CCDC171: variants seen among roughly 807,000 people sequenced by gnomAD.
The protein encoded by CCDC171 is coiled-coil domain containing 171, also known as coiled-coil domain-containing protein 171.
CCDC171 carries 177 observed loss-of-function variants against 168.2 expected under a neutral mutation model. The ratio of observed to expected loss-of-function variants is 1.05; its 90% CI spans 0.93 to 1.19. The LOEUF is 1.19. Among genes scored for constraint, CCDC171 ranks in the 50% most tolerant of loss-of-function variants. The pLI is 0.00. For missense variants in CCDC171, 1,991 were observed against 1,539.0 expected (o/e 1.29, Z -4.91); for synonymous variants, 687 against 540.8 (o/e 1.27, Z -3.75).
At chr9:15,945,755 A>G (rs2132365419) in intron 25 of CCDC171, among the ~76,000 whole-genome samples, 1 of 151,492 alleles carries the variant, frequency 6.6e-6, no homozygotes, top group Middle Eastern at 3.4e-3. Context: ...AATTTGTTTG[A>G]GTTCATTGTA....
intron 24 of CCDC171, among the ~76,000 whole-genome samples, chr9:15,908,577 G>T (rs1327525666): frequency 6.6e-6 from 1 of 152,108 alleles, no homozygotes; most frequent in Non-Finnish European, 1.5e-5. Context: ...ACTGGGTGCA[G>T]CACACCTACA....
intron 25 of CCDC171, among the ~76,000 whole-genome samples, chr9:15,970,145 A>G (rs1325129385): frequency 6.6e-6 from 1 of 152,186 alleles, no homozygotes; most frequent in Non-Finnish European, 1.5e-5. Flanking sequence ...AAAAGAACAA[A>G]GATCAAAGAA....
intron 21 of CCDC171, among the ~76,000 whole-genome samples, chr9:15,806,361 G>T (rs2059077392): frequency 6.6e-6 from 1 of 152,116 alleles, no homozygotes; most frequent in East Asian, 1.9e-4. Context: ...TGTTTTTGTA[G>T]TTGCTGGTAA....
At chr9:15,986,247 C>A (rs150672150) in intron 3 of CCDC171, among the ~76,000 whole-genome samples, 1 of 152,164 alleles carries the variant, frequency 6.6e-6, no homozygotes, top group Non-Finnish European at 1.5e-5. Flanking sequence ...ATATGTATTA[C>A]GTTGATTAAA....
intron 11 of CCDC171, among the ~76,000 whole-genome samples, chr9:15,702,664 C>T (rs2051852154): frequency 6.6e-6 from 1 of 152,132 alleles, no homozygotes; most frequent in Non-Finnish European, 1.5e-5. Context: ...ACTGTTTAGT[C>T]TTCACTGAAA....
At chr9:15,927,110 A>C (rs1257163779) in intron 25 of CCDC171, among the ~76,000 whole-genome samples, 1 of 151,710 alleles carries the variant, frequency 6.6e-6, no homozygotes, top group South Asian at 2.1e-4. Context: ...AGACATAATT[A>C]TCTTTAAAAA....
intron 3 of CCDC171, among the ~76,000 whole-genome samples, chr9:15,983,619 G>A (rs1363715791): frequency 6.6e-6 from 1 of 151,764 alleles, no homozygotes; most frequent in Non-Finnish European, 1.5e-5. Context: ...AGTCTCACAG[G>A]CATTTGTTCC....
At chr9:15,600,137 C>G (rs1347362177) in intron 6 of CCDC171, among the ~76,000 whole-genome samples, 1 of 152,220 alleles carries the variant, frequency 6.6e-6, no homozygotes, top group Non-Finnish European at 1.5e-5. Flanking sequence ...CTTCTCTCAA[C>G]TCGTCAGTCA....
the CCDC171 span, among the ~76,000 whole-genome samples, chr9:16,087,877 C>G: frequency 2.6e-5 from 4 of 152,054 alleles, no homozygotes; most frequent in African/African-American, 9.7e-5. Context: ...TTTGCAGTGG[C>G]TGGTCCCGGT....
chr9:16,028,498 A>G (rs968827732), intron 6 of CCDC171, among the ~76,000 whole-genome samples: 3 of 152,224 alleles, frequency 2.0e-5, no homozygotes, highest in African/African-American at 7.2e-5. Flanking sequence ...ACACCCATAT[A>G]TGGGCACACT....
At chr9:15,915,412 C>T (rs969518159) in intron 24 of CCDC171, among the ~76,000 whole-genome samples, 4 of 151,408 alleles carry the variant, frequency 2.6e-5, no homozygotes, top group African/African-American at 9.7e-5. Context: ...TGATTTTGTC[C>T]TCAGATAGAT....
chr9:15,576,272 C>T (rs1161810492), intron 3 of CCDC171, among the ~76,000 whole-genome samples: 1 of 151,908 alleles, frequency 6.6e-6, no homozygotes, highest in African/African-American at 2.4e-5. Flanking sequence ...CAGCCTGGAA[C>T]TCCTGGGCTC....
intron 21 of CCDC171, among the ~76,000 whole-genome samples, chr9:15,812,572 G>T (rs957214999): frequency 2.6e-5 from 4 of 152,150 alleles, no homozygotes; most frequent in Admixed American, 2.0e-4. Context: ...AAAAGTTACT[G>T]TCCTCAATGT....
intron 1 of CCDC171, chr9:15,553,529 A>T (rs962784838): frequency 6.6e-6 from 1 of 152,436 alleles, no homozygotes; most frequent in Non-Finnish European, 1.5e-5. Context: ...CCGGATGGGG[A>T]CCAGAGGGGA....
At chr9:15,784,811 T>C in intron 21 of CCDC171, 117 bp downstream of exon 21, 1 of 753,978 alleles carries the variant, frequency 1.3e-6, no homozygotes, top group Non-Finnish European at 2.1e-6. Flanking sequence ...TTTTATTCTA[T>C]GAGGATAGAA....
At position 15,973,071 on chromosome 9, in the gene CCDC171, C is replaced by G. The variant is rs1265227183; in HGVS notation, c.*1235C>G. ...AGATCAGACATTGACATTGATTAAACTCTTTAACCCTTAAAGGTTAAATCC... is the reference window on the plus strand; with the variant it reads ...AGATCAGACATTGACATTGATTAAAGTCTTTAACCCTTAAAGGTTAAATCC... On this transcript the variant is annotated 3_prime_UTR_variant, in exon 26 of 26. Transcript: ENST00000380701. The G allele has an allele frequency of 2.0e-5, 3 of 152,260 alleles. No homozygotes were observed. Among genetic ancestry groups the G allele is most frequent in the Non-Finnish European group, 4.4e-5 (3 of 68,008 alleles). 9.4% of individuals were successfully genotyped at this position (152,260 alleles called of 1,614,324 possible). A position where few individuals can be genotyped will look rare whatever the true frequency, so the allele number is the denominator to read the frequency against.
At chr9:15,569,315 T>A (rs138189539) in intron 2 of CCDC171, among the ~76,000 whole-genome samples, 49 of 152,322 alleles carry the variant, frequency 3.2e-4, no homozygotes, top group Non-Finnish European at 5.6e-4. Context: ...TCTCCCTCAC[T>A]AGCCCTGTGA....
At chr9:15,829,795 C>G (rs1223869812) in intron 21 of CCDC171, among the ~76,000 whole-genome samples, 1 of 151,968 alleles carries the variant, frequency 6.6e-6, no homozygotes, top group Non-Finnish European at 1.5e-5. Context: ...TTACATGTGC[C>G]TATAGTCCAA....
intron 6 of CCDC171, among the ~76,000 whole-genome samples, chr9:15,608,972 A>AAAAAAAAAAAAAAAAAAAAAT: frequency 6.8e-6 from 1 of 146,452 alleles, no homozygotes; most frequent in East Asian, 2.0e-4. Flanking sequence ...AAAAAAAAAA[A>AAAAAAAAAAAAAAAAAAAAAT]GAGTGGTTTT....
Sources: gnomAD v4.1 joint callset for allele counts (sites outside exome capture counted in the v4.1 genomes callset) on GRCh38, gnomAD v4.1.1 for gene constraint, MANE v1.5 for transcripts, NCBI Gene and HGNC (gene_info 2026-07-23, HGNC 2026-07-21) for gene names.